CILK1: variants seen among roughly 807,000 people sequenced by gnomAD.
The protein encoded by CILK1 is ciliogenesis associated kinase 1, also known as serine/threonine-protein kinase ICK.
In CILK1, 47 loss-of-function variants were observed where a neutral mutation model predicts 79.2. The ratio of observed to expected loss-of-function variants is 0.59; its 90% CI spans 0.47 to 0.76. The LOEUF is 0.76. Ranked by LOEUF, CILK1 falls within the 30% of genes least tolerant of loss-of-function variation. The pLI is 0.00. For synonymous variants in CILK1, 266 were observed against 275.9 expected (o/e 0.96, Z 0.36); for missense variants, 660 against 769.5 (o/e 0.86, Z 1.68).
At chr6:53,047,166 A>T (rs1767134602) in intron 1 of CILK1, among the ~76,000 whole-genome samples, 1 of 152,226 alleles carries the variant, frequency 6.6e-6, no homozygotes, top group Non-Finnish European at 1.5e-5. Flanking sequence ...TCTAATGTGC[A>T]ACCAGGGCTG....
At chr6:53,048,630 G>T (rs550558008) in intron 1 of CILK1, among the ~76,000 whole-genome samples, 3 of 150,154 alleles carry the variant, frequency 2.0e-5, no homozygotes, top group African/African-American at 7.4e-5. Context: ...TTACTGTTGC[G>T]CTGGGAAAAT....
intron 12 of CILK1, among the ~76,000 whole-genome samples, chr6:53,006,693 A>G (rs533806003): frequency 6.6e-6 from 1 of 152,188 alleles, no homozygotes; most frequent in Admixed American, 6.5e-5. Flanking sequence ...AAATTTTTTT[A>G]AAAAAGGGAA....
intron 5 of CILK1, among the ~76,000 whole-genome samples, chr6:53,030,122 G>A (rs1482525254): frequency 6.6e-6 from 1 of 152,064 alleles, no homozygotes; most frequent in Admixed American, 6.5e-5. Flanking sequence ...CAACAGTGAT[G>A]GGGGATTTCC....
chr6:53,041,083 GT>G, intron 2 of CILK1, 52 bp downstream of exon 2: 1 of 1,191,762 alleles, frequency 8.4e-7, no homozygotes, highest in Non-Finnish European at 1.3e-6. Flanking sequence ...ACAAAGACGG[GT>G]AATGGTGAGG....
chr6:53,024,046 G>A (rs932703281), intron 5 of CILK1, among the ~76,000 whole-genome samples: 2 of 152,196 alleles, frequency 1.3e-5, no homozygotes, highest in Admixed American at 1.3e-4. Context: ...GATCAAAAAA[G>A]TTTGACATGG....
At chr6:53,052,193 G>A (rs531854218) in intron 1 of CILK1, among the ~76,000 whole-genome samples, 12 of 152,170 alleles carry the variant, frequency 7.9e-5, no homozygotes, top group Admixed American at 2.6e-4. Context: ...GAGGATGATG[G>A]CTTCCAGCTT....
rs571627528 is a variant in CILK1, at chr6:53,024,468, C to T, written c.359-5109G>A. 3.9e-5 allele frequency among the ~76,000 whole-genome samples: 6 copies of T among 152,278 alleles called. No homozygotes were observed. In the South Asian group the frequency reaches 1.2e-3, roughly 32 times the overall value. ...GCATAACTGAGTCATTGTGTTTGGACCCTCTGTTCTTCAGAGCACCCTCCA... is the reference window on the plus strand; with the variant it reads ...GCATAACTGAGTCATTGTGTTTGGATCCTCTGTTCTTCAGAGCACCCTCCA... On this transcript the variant is annotated intron_variant, in intron 5 of 13. Coordinates refer to ENST00000676107, the MANE Select transcript of CILK1 (RefSeq NM_014920.5).
intron 1 of CILK1, among the ~76,000 whole-genome samples, chr6:53,053,386 T>C (rs1055201660): frequency 6.6e-6 from 1 of 152,238 alleles, no homozygotes; most frequent in Non-Finnish European, 1.5e-5. Context: ...AGCACCCTCA[T>C]ATATCAAATA....
At chr6:53,020,431 C>T (rs969351537) in intron 5 of CILK1, among the ~76,000 whole-genome samples, 3 of 152,190 alleles carry the variant, frequency 2.0e-5, no homozygotes, top group African/African-American at 7.2e-5. Context: ...TTATTTGTTA[C>T]ACATTATCAT....
chr6:53,032,693 T>C, intron 3 of CILK1, 39 bp from the exon 4 acceptor site: 2 of 1,534,096 alleles, frequency 1.3e-6, no homozygotes, highest in African/African-American at 1.4e-5. Flanking sequence ...AAACAAATAT[T>C]AGAGAAAATC....
At chr6:53,023,806 T>C (rs1765399313) in intron 5 of CILK1, among the ~76,000 whole-genome samples, 1 of 152,218 alleles carries the variant, frequency 6.6e-6, no homozygotes, top group Non-Finnish European at 1.5e-5. Context: ...CTGGGTCAAG[T>C]TCCAAATGGA....
intron 1 of CILK1, among the ~76,000 whole-genome samples, chr6:53,055,852 G>A (rs1767815592): frequency 6.6e-6 from 1 of 152,024 alleles, no homozygotes; most frequent in Admixed American, 6.6e-5. Flanking sequence ...TGAAGTAAAG[G>A]CGAAATGTTA....
chr6:53,019,342 A>G lies in CILK1; in HGVS notation c.376T>C (p.Leu126=). ...IHKHGFFHRD[L]KPENLLCMGP... ...ATGCAGAGGAGGTTCTCAGGCTTTA[A>G]GTCTCGATGAAAGAAGCCTATAGAG... The change falls in exon 6 of 14, where the codon TTA becomes CTA. Residue 126 remains leucine (L), a synonymous_variant. Transcript: ENST00000676107. 6.2e-7 allele frequency: 1 copy of G among 1,614,172 alleles called. No homozygotes were observed.
At chr6:53,038,919 T>G (rs1320265975) in intron 2 of CILK1, among the ~76,000 whole-genome samples, 2 of 152,222 alleles carry the variant, frequency 1.3e-5, no homozygotes, top group Non-Finnish European at 2.9e-5. Flanking sequence ...TATTTTTCAG[T>G]GCATTTCAAT....
chr6:53,047,724 A>C (rs1002708844), intron 1 of CILK1, among the ~76,000 whole-genome samples: 1 of 152,106 alleles, frequency 6.6e-6, no homozygotes, highest in Non-Finnish European at 1.5e-5. Context: ...TAGAGATCAG[A>C]GGCAGAGACT....
chr6:53,010,873 A>G (rs1764531168), intron 11 of CILK1, among the ~76,000 whole-genome samples: 1 of 152,234 alleles, frequency 6.6e-6, no homozygotes, highest in South Asian at 2.1e-4. Context: ...AAGCTGCTGT[A>G]TAAAGCTGCT....
intron 3 of CILK1, among the ~76,000 whole-genome samples, chr6:53,033,742 C>T (rs954698459): frequency 2.0e-5 from 3 of 152,250 alleles, no homozygotes; most frequent in Middle Eastern, 3.4e-3. Context: ...AAACAAATAT[C>T]CTCATCTAGA....
chr6:53,023,711 A>G (rs1231901745), intron 5 of CILK1, among the ~76,000 whole-genome samples: 3 of 152,252 alleles, frequency 2.0e-5, no homozygotes, highest in Admixed American at 6.5e-5. Flanking sequence ...AAATACACTA[A>G]TTGCCATTAT....
rs771578686 is a variant in CILK1 at position 53,031,050 on chromosome 6, C to G, written c.358+15G>C. ...TTCACTGCTCTTCAAAAGCACAACA[C>G]TCCGAATCACCTACCGTGTTTGTGA... is the stretch of plus-strand genomic sequence containing the variant. On this transcript the variant is annotated intron_variant, in intron 5 of 13. Transcript: ENST00000676107. 4 of 1,544,166 alleles carry G rather than the reference C, an allele frequency of 2.6e-6. No homozygotes were observed. The highest frequency in any genetic ancestry group is 3.6e-6 in the Non-Finnish European group (4 of 1,116,508).
Sources: gnomAD v4.1 joint callset for allele counts (sites outside exome capture counted in the v4.1 genomes callset) on GRCh38, gnomAD v4.1.1 for gene constraint, MANE v1.5 for transcripts, NCBI Gene and HGNC (gene_info 2026-07-23, HGNC 2026-07-21) for gene names.